AUTS2: variants seen among roughly 807,000 people sequenced by gnomAD.
AUTS2 encodes autism susceptibility gene 2 protein.
Under a neutral mutation model 112.4 loss-of-function variants are expected in AUTS2, and 17 were observed. The observed-to-expected ratio is 0.15, with a 90% CI of 0.10 to 0.23. The LOEUF (loss-of-function observed/expected upper bound fraction) is 0.23. Ranked by LOEUF, AUTS2 falls within the 10% of genes least tolerant of loss-of-function variation. The pLI, the probability that AUTS2 is intolerant of heterozygous loss-of-function variation, is 1.00. For missense variants in AUTS2, 1,510 were observed against 1,701.6 expected (o/e 0.89, Z 1.98); for synonymous variants, 751 against 702.7 (o/e 1.07, Z -1.09).
Position 70,694,502 on chromosome 7 carries a change from T to C in AUTS2, c.691-4067T>C, listed in dbSNP as rs1808953962. The C allele has an allele frequency of 6.8e-6, 1 of 147,802 alleles. No individual in the cohort carries two copies. Among genetic ancestry groups the C allele is most frequent in the Non-Finnish European group, 1.5e-5 (1 of 66,710 alleles). The allele number at this position is 147,802 out of a possible 1,614,324, so 9.2% of individuals were successfully genotyped here. A position where few individuals can be genotyped will look rare whatever the true frequency, so the allele number is the denominator to read the frequency against. ...GAGAAGCCGCCGCGCGCCCTCCTCC[T>C]CCTCCTCCCTCTCCCTCCTCCCTCC... On this transcript the variant is annotated intron_variant, in intron 5 of 18. Transcript: ENST00000342771. This position sits in a 1 kb window ranked among gnomAD's most constrained non-coding sequence, Gnocchi z 4.1.
chr7:69,839,644 C>T (rs1791884734), intron 1 of AUTS2, among the ~76,000 whole-genome samples: 1 of 152,070 alleles, frequency 6.6e-6, no homozygotes, highest in Non-Finnish European at 1.5e-5. Context: ...CCCCCATCCC[C>T]AATTAAACAC....
chr7:70,716,633 T>G (rs1444208037), intron 6 of AUTS2, among the ~76,000 whole-genome samples: 1 of 41,610 alleles, frequency 2.4e-5, no homozygotes, highest in African/African-American at 9.9e-5. Flanking sequence ...CGAGACTCCG[T>G]CTCAAAAAAA....
intron 5 of AUTS2, among the ~76,000 whole-genome samples, chr7:70,578,855 C>A (rs1387361961): frequency 1.3e-4 from 20 of 151,962 alleles, no homozygotes; most frequent in Admixed American, 1.3e-3. Flanking sequence ...ATAGCCAAAC[C>A]AACAGGTCTA....
chr7:69,841,118 A>G (rs927508861), intron 1 of AUTS2, among the ~76,000 whole-genome samples: 3 of 152,226 alleles, frequency 2.0e-5, no homozygotes, highest in African/African-American at 7.2e-5. Context: ...ACACAGCATC[A>G]CCAACAATTT....
Position 70,067,094 on chromosome 7 carries a change from C to T in AUTS2, c.523-51038C>T, listed in dbSNP as rs118090101. Reference sequence around the variant, plus strand: ...ATAATCATTTCTTCAAGAAAAAGTTCTTAGTGGGGAAAAAGAGGCGAAAAG... The same window carrying T: ...ATAATCATTTCTTCAAGAAAAAGTTTTTAGTGGGGAAAAAGAGGCGAAAAG... On this transcript the variant is annotated intron_variant, in intron 2 of 18. Transcript: ENST00000342771. Among the ~76,000 whole-genome samples the T allele has an allele frequency of 2.2e-3, 337 of 152,188 alleles. 1 individual carries two copies. Among genetic ancestry groups the T allele is most frequent in the Non-Finnish European group, 3.5e-3 (239 of 67,992 alleles).
At chr7:69,718,528 C>T (rs1228863551) in intron 1 of AUTS2, among the ~76,000 whole-genome samples, 2 of 152,186 alleles carry the variant, frequency 1.3e-5, no homozygotes, top group Non-Finnish European at 2.9e-5. Flanking sequence ...AAAATGCCAT[C>T]TCTTTGTTTC....
At chr7:70,632,339 G>C (rs1056364429) in intron 5 of AUTS2, among the ~76,000 whole-genome samples, 1 of 152,122 alleles carries the variant, frequency 6.6e-6, no homozygotes, top group Admixed American at 6.5e-5. Flanking sequence ...GTCCAGAACC[G>C]TGGGCTGAGA....
chr7:70,016,206 T>C (rs1217801347), intron 2 of AUTS2, among the ~76,000 whole-genome samples: 2 of 152,158 alleles, frequency 1.3e-5, no homozygotes, highest in African/African-American at 4.8e-5. Flanking sequence ...TTCTTCATGA[T>C]AACAGTGACC....
intron 1 of AUTS2, among the ~76,000 whole-genome samples, chr7:69,694,181 A>G (rs924244111): frequency 4.9e-4 from 74 of 152,320 alleles, no homozygotes; most frequent in Middle Eastern, 6.8e-3. Flanking sequence ...ATTCCCTGCT[A>G]CCAAGTACTA....
rs537842885 is a variant in AUTS2, at chr7:70,139,257, A to G, written c.660+4686A>G. ...GCTAAGATTACAGGCGTGAGCCACC[A>G]TGCCTGGCTGTATAACTTCTAAAAC... On this transcript the variant is annotated intron_variant, in intron 4 of 18. Coordinates refer to ENST00000342771, the MANE Select transcript of AUTS2 (RefSeq NM_015570.4). 2.2e-4 allele frequency among the ~76,000 whole-genome samples: 34 copies of G among 152,278 alleles called. No homozygotes were observed. In the South Asian group the frequency reaches 6.2e-3, roughly 28 times the overall value.
chr7:69,935,111 T>C (rs1256984777), intron 2 of AUTS2, among the ~76,000 whole-genome samples: 1 of 152,012 alleles, frequency 6.6e-6, no homozygotes, highest in Non-Finnish European at 1.5e-5. Flanking sequence ...TCTCTGTAGG[T>C]AGAAAGAAAT....
intron 2 of AUTS2, among the ~76,000 whole-genome samples, chr7:70,096,377 G>A (rs1328631267): frequency 2.6e-5 from 4 of 151,738 alleles, no homozygotes; most frequent in South Asian, 4.2e-4. Context: ...TGGGTGGAGC[G>A]CCTAAGGTCA....
chr7:69,728,573 G>A (rs529554872), intron 1 of AUTS2, among the ~76,000 whole-genome samples: 3 of 151,694 alleles, frequency 2.0e-5, no homozygotes, highest in South Asian at 4.2e-4. Flanking sequence ...CAGAAGTGAT[G>A]TTTTCCCAAA....
At chr7:70,149,464 A>G (rs1807308508) in intron 4 of AUTS2, among the ~76,000 whole-genome samples, 2 of 152,102 alleles carry the variant, frequency 1.3e-5, no homozygotes. Context: ...CAAATTAACT[A>G]ACTTCTATTT....
chr7:70,599,790 C>T (rs1169150889), intron 5 of AUTS2, among the ~76,000 whole-genome samples: 1 of 152,208 alleles, frequency 6.6e-6, no homozygotes, highest in Admixed American at 6.5e-5. Flanking sequence ...CTAGGTCAGC[C>T]TTCTAAGTTG....
intron 4 of AUTS2, among the ~76,000 whole-genome samples, chr7:70,193,636 A>T (rs1338045639): frequency 2.0e-5 from 3 of 152,232 alleles, no homozygotes; most frequent in Non-Finnish European, 2.9e-5. Flanking sequence ...TGCAGCAACA[A>T]GACAAAGATG....
At chr7:70,438,809 G>A (rs998727102) in intron 5 of AUTS2, among the ~76,000 whole-genome samples, 17 of 152,266 alleles carry the variant, frequency 1.1e-4, no homozygotes, top group African/African-American at 2.9e-4. Flanking sequence ...GCTAATGGTG[G>A]AAAAGATGCC....
intron 4 of AUTS2, among the ~76,000 whole-genome samples, chr7:70,336,266 A>C (rs1316761364): frequency 1.3e-5 from 2 of 149,764 alleles, no homozygotes; most frequent in African/African-American, 5.0e-5. Flanking sequence ...AAAAGTCACC[A>C]ACTTGTCCCA....
rs142369846 is a variant in AUTS2 at position 70,611,420 on chromosome 7, G to A, written c.691-87149G>A. 1.1e-3 allele frequency among the ~76,000 whole-genome samples: 170 copies of A among 152,350 alleles called. 1 individual carries two copies. Among genetic ancestry groups the A allele is most frequent in the African/African-American group, 3.9e-3 (162 of 41,588 alleles). On this transcript the variant is annotated intron_variant, in intron 5 of 18. Transcript: ENST00000342771. ...TTTGGGAATGAAAGGCAGTAAGGCAGAAACAGCAACATATCTAGAGAAACC... is the reference window on the plus strand; with the variant it reads ...TTTGGGAATGAAAGGCAGTAAGGCAAAAACAGCAACATATCTAGAGAAACC...
Sources: gnomAD v4.1 joint callset for allele counts (sites outside exome capture counted in the v4.1 genomes callset) on GRCh38, gnomAD v4.1.1 for gene constraint, Gnocchi (gnomAD v3.1) non-coding constraint, MANE v1.5 for transcripts, NCBI Gene and HGNC (gene_info 2026-07-23, HGNC 2026-07-21) for gene names.